The following TRIM49 variants were observed in gnomAD, a reference collection of about 807,000 sequenced individuals.
TRIM49 encodes tripartite motif-containing protein 49.
Under a neutral mutation model 27.4 loss-of-function variants are expected in TRIM49, and 5 were observed. The ratio of observed to expected loss-of-function variants is 0.18; its 90% CI spans 0.10 to 0.38. The LOEUF (loss-of-function observed/expected upper bound fraction) is 0.38. Ranked by LOEUF, TRIM49 falls within the 10% of genes least tolerant of loss-of-function variation. TRIM49 has a pLI of 1.00. For synonymous variants in TRIM49, 69 were observed against 166.0 expected (o/e 0.42, Z 4.49); for missense variants, 188 against 487.5 (o/e 0.39, Z 5.79).
intron 7 of TRIM49, 129 bp from the exon 8 acceptor site, chr11:89,798,758 A>C: frequency 7.8e-7 from 1 of 1,274,768 alleles, no homozygotes; most frequent in South Asian, 1.8e-5. Flanking sequence ...ACTTCTAGTA[A>C]AGTATAGAGA....
At chr11:89,805,632 C>G (rs1245919059) in intron 2 of TRIM49, among the ~76,000 whole-genome samples, 1 of 151,376 alleles carries the variant, frequency 6.6e-6, no homozygotes, top group Non-Finnish European at 1.5e-5. Context: ...AATTAATTTT[C>G]CTGATGAATT....
At chr11:89,777,323 C>CT in the TRIM49 span, 2 of 1,541,608 alleles carry the variant, frequency 1.3e-6, no homozygotes, top group East Asian at 2.5e-5. Context: ...GGGCCCTGCT[C>CT]TGAGTCACCA....
chr11:89,793,249 C>T (rs1949667191), downstream of TRIM49, among the ~76,000 whole-genome samples: 1 of 152,052 alleles, frequency 6.6e-6, no homozygotes. Flanking sequence ...TATGAGCCTA[C>T]AAACCAAATA....
At chr11:89,793,773 T>C (rs1949671176), downstream of TRIM49, among the ~76,000 whole-genome samples, 1 of 151,850 alleles carries the variant, frequency 6.6e-6, no homozygotes, top group Non-Finnish European at 1.5e-5. Context: ...CCACAGCCAA[T>C]AAATATCATA....
the TRIM49 span, among the ~76,000 whole-genome samples, chr11:89,767,934 C>G: frequency 8.0e-3 from 1,099 of 136,842 alleles, 144 homozygotes; most frequent in African/African-American, 0.035. Context: ...CACGATTGAA[C>G]CATACATGAA....
chr11:89,774,269 G>A, the TRIM49 span, among the ~76,000 whole-genome samples: 2 of 150,988 alleles, frequency 1.3e-5, no homozygotes, highest in African/African-American at 4.9e-5. Context: ...CACAGTGCTG[G>A]GATTACAGGC....
chr11:89,784,640 C>A, the TRIM49 span, among the ~76,000 whole-genome samples: 2 of 141,416 alleles, frequency 1.4e-5, no homozygotes, highest in Non-Finnish European at 3.0e-5. Context: ...TTGATTTTCT[C>A]CTATGTTTTG....
the TRIM49 span, chr11:89,785,852 G>A: frequency 6.9e-6 from 1 of 144,680 alleles, no homozygotes; most frequent in African/African-American, 2.8e-5. Flanking sequence ...CGGGAGCTAG[G>A]GCTTCTCTGG....
At chr11:89,805,264 T>C (rs1293524256) in intron 2 of TRIM49, among the ~76,000 whole-genome samples, 1 of 150,606 alleles carries the variant, frequency 6.6e-6, no homozygotes, top group Non-Finnish European at 1.5e-5. Context: ...AGAGGTGTAA[T>C]TATATTTCCA....
chr11:89,805,871 C>T (rs1173080936), intron 2 of TRIM49, among the ~76,000 whole-genome samples: 1 of 149,504 alleles, frequency 6.7e-6, no homozygotes, highest in Non-Finnish European at 1.5e-5. Context: ...GAACGTGACA[C>T]TAGGCCTGGC....
In TRIM49 at chr11:89,803,563, C is replaced by T. The variant is rs192398096; in HGVS notation, c.507+135G>A. On this transcript the variant is annotated intron_variant, in intron 4 of 7. Transcript: ENST00000329758. Reference sequence around the variant, plus strand: ...CTATATAAAAATGAGGCCACTTTTTCTCAGTGTTTTCTCTCGCCTTTTTTT... The same window carrying T: ...CTATATAAAAATGAGGCCACTTTTTTTCAGTGTTTTCTCTCGCCTTTTTTT... 5,552 of 1,525,166 alleles carry T rather than the reference C, an allele frequency of 3.6e-3. 115 individuals are homozygous for T. In the African/African-American group the frequency reaches 0.062, roughly 17 times the overall value. The allele number at this position is 1,525,166 out of a possible 1,614,324, so 94.5% of individuals were successfully genotyped here. A position where few individuals can be genotyped will look rare whatever the true frequency, so the allele number is the denominator to read the frequency against.
the TRIM49 span, chr11:89,782,058 T>A: frequency 6.5e-7 from 1 of 1,535,218 alleles, no homozygotes; most frequent in Non-Finnish European, 8.8e-7. Flanking sequence ...TACTGGGAGG[T>A]GGATGTGACC....
At chr11:89,797,546 G>T (rs1414963282), downstream of TRIM49, 54 of 151,988 alleles carry the variant, frequency 3.6e-4, no homozygotes, top group South Asian at 3.3e-3. Flanking sequence ...TCCAGCATTG[G>T]TCTGATCACA....
chr11:89,796,958 TAGTC>T (rs1237830557), downstream of TRIM49, among the ~76,000 whole-genome samples: 101 of 150,818 alleles, frequency 6.7e-4, 1 homozygote, highest in African/African-American at 2.3e-3. Flanking sequence ...GAAATGCTAA[TAGTC>T]AGTTTCCCAA....
At position 89,798,547 on chromosome 11, in the gene TRIM49, G is replaced by T; in HGVS notation, c.942C>A (p.Asp314Glu). Residue 314 changes from aspartate to glutamate, a missense_variant, in exon 8 of 8, where the codon GAC becomes GAA. Coordinates refer to ENST00000329758, the MANE Select transcript of TRIM49 (RefSeq NM_020358.2). ...EILRSMCIGC[D>E]HQDVPYFTAT... ...CAGTGAAATAGGGTACATCTTGATG[G>T]TCACATCCAATACACATGCTTCTCA... 6.4e-7 allele frequency: 1 copy of T among 1,565,726 alleles called. No individual in the cohort carries two copies. Among genetic ancestry groups the T allele is most frequent in the South Asian group, 1.1e-5 (1 of 89,100 alleles).
intron 6 of TRIM49, among the ~76,000 whole-genome samples, chr11:89,800,125 C>G (rs1460331413): frequency 6.6e-6 from 1 of 150,888 alleles, no homozygotes; most frequent in Non-Finnish European, 1.5e-5. Context: ...GCAGACTCCC[C>G]TGACATCTTT....
chr11:89,793,215 A>G (rs1208319907), downstream of TRIM49, among the ~76,000 whole-genome samples: 2 of 152,158 alleles, frequency 1.3e-5, no homozygotes, highest in Non-Finnish European at 1.5e-5. Flanking sequence ...GATCAATAAC[A>G]GGCTCTGAAA....
chr11:89,778,204 A>G, the TRIM49 span, among the ~76,000 whole-genome samples: 4 of 151,272 alleles, frequency 2.6e-5, no homozygotes, highest in African/African-American at 7.3e-5. Flanking sequence ...ATTCTAGTGT[A>G]TTGGATAAAC....
chr11:89,776,663 A>G, the TRIM49 span, among the ~76,000 whole-genome samples: 4 of 151,914 alleles, frequency 2.6e-5, 2 homozygotes, highest in African/African-American at 9.7e-5. Context: ...ATCTAGAGAT[A>G]AAGTATTCAG....
Sources: allele counts gnomAD v4.1 joint callset (sites outside exome capture counted in the v4.1 genomes callset), GRCh38; gene constraint gnomAD v4.1.1; transcripts MANE v1.5; gene names NCBI Gene and HGNC (gene_info 2026-07-23, HGNC 2026-07-21).